PKIA: variants seen among roughly 807,000 people sequenced by gnomAD.
PKIA encodes the protein PKI-alpha.
PKIA carries 4 observed loss-of-function variants against 7.6 expected under a neutral mutation model. The ratio of observed to expected loss-of-function variants is 0.52; its 90% CI spans 0.26 to 1.20. PKIA has a LOEUF of 1.20. Among genes scored for constraint, PKIA ranks in the 50% most tolerant of loss-of-function variants. The pLI is 0.13. For synonymous variants in PKIA, 21 were observed against 30.7 expected, an observed-to-expected ratio of 0.68 and a Z score of 1.04; for missense variants, 73 against 86.2, an observed-to-expected ratio of 0.85 and a Z score of 0.61.
intron 1 of PKIA, chr8:78,533,919 TGCA>T (rs1282466520): frequency 7.2e-5 from 11 of 152,072 alleles, no homozygotes; most frequent in Admixed American, 7.2e-4. Flanking sequence ...CAGTTTAATA[TGCA>T]TGTTTGGCAT....
At chr8:78,523,627 C>A (rs899859703) in intron 1 of PKIA, among the ~76,000 whole-genome samples, 1 of 151,732 alleles carries the variant, frequency 6.6e-6, no homozygotes, top group South Asian at 2.1e-4. Flanking sequence ...TACACAGCTT[C>A]TCTGATAATT....
At chr8:78,541,807 CTTTTT>C (rs780479329) in intron 1 of PKIA, among the ~76,000 whole-genome samples, 2 of 134,234 alleles carry the variant, frequency 1.5e-5, no homozygotes, top group Admixed American at 7.5e-5. Context: ...TTGGATTTCT[CTTTTT>C]TTTTTTTTTT....
At chr8:78,550,342 TTCC>T (rs1170668551) in intron 1 of PKIA, among the ~76,000 whole-genome samples, 2 of 152,132 alleles carry the variant, frequency 1.3e-5, no homozygotes, top group Non-Finnish European at 2.9e-5. Context: ...AAAAAGATGG[TTCC>T]CAGGTCTATC....
chr8:78,547,338 C>A (rs1264584969), intron 1 of PKIA, among the ~76,000 whole-genome samples: 3 of 151,932 alleles, frequency 2.0e-5, no homozygotes, highest in African/African-American at 7.3e-5. Flanking sequence ...CTCTTGACCT[C>A]GTGATCCACC....
chr8:78,533,638 T>C (rs572862322), intron 1 of PKIA, among the ~76,000 whole-genome samples: 5 of 152,048 alleles, frequency 3.3e-5, no homozygotes, highest in Non-Finnish European at 7.4e-5. Flanking sequence ...GGAGGAGTGC[T>C]TGAAGCCAGT....
intron 2 of PKIA, among the ~76,000 whole-genome samples, chr8:78,588,456 G>C (rs1808012103): frequency 6.6e-6 from 1 of 151,918 alleles, no homozygotes; most frequent in Admixed American, 6.6e-5. Flanking sequence ...CTCCAGCCTG[G>C]GTAACAAGAG....
chr8:78,561,453 G>GT (rs896716305), intron 1 of PKIA, among the ~76,000 whole-genome samples: 1 of 151,340 alleles, frequency 6.6e-6, no homozygotes, highest in Non-Finnish European at 1.5e-5. Flanking sequence ...GCTAGGCCAA[G>GT]TTTTTTTGTT....
At chr8:78,516,834 C>T (rs1020877212) in intron 1 of PKIA, among the ~76,000 whole-genome samples, 1 of 152,124 alleles carries the variant, frequency 6.6e-6, no homozygotes, top group Non-Finnish European at 1.5e-5. Context: ...GCAGTAGGTC[C>T]CTGGCAGCAG....
At chr8:78,542,940 T>C (rs1806732748) in intron 1 of PKIA, among the ~76,000 whole-genome samples, 1 of 152,154 alleles carries the variant, frequency 6.6e-6, no homozygotes. Flanking sequence ...ATGCCCAAGA[T>C]TTCAGCAGCG....
intron 1 of PKIA, among the ~76,000 whole-genome samples, chr8:78,517,155 T>A (rs1446448897): frequency 9.9e-5 from 15 of 152,230 alleles, no homozygotes; most frequent in Admixed American, 9.8e-4. Context: ...CTGGGTTCCA[T>A]GACTGATTTT....
At chr8:78,521,879 C>T (rs1398330281) in intron 1 of PKIA, among the ~76,000 whole-genome samples, 1 of 151,840 alleles carries the variant, frequency 6.6e-6, no homozygotes, top group East Asian at 1.9e-4. Flanking sequence ...TTCCTCAGCC[C>T]CTGGTAAACA....
chr8:78,519,869 C>G (rs190286838), intron 1 of PKIA, among the ~76,000 whole-genome samples: 1 of 152,128 alleles, frequency 6.6e-6, no homozygotes, highest in Admixed American at 6.5e-5. Flanking sequence ...TCTTACATGT[C>G]GAAACCTTGT....
chr8:78,552,760 C>T (rs1373606494), intron 1 of PKIA, among the ~76,000 whole-genome samples: 1 of 151,878 alleles, frequency 6.6e-6, no homozygotes, highest in Non-Finnish European at 1.5e-5. Context: ...TATAGCTAGA[C>T]CTAAGTGTCT....
intron 2 of PKIA, among the ~76,000 whole-genome samples, chr8:78,592,027 G>C (rs528260203): frequency 8.6e-5 from 13 of 152,034 alleles, no homozygotes; most frequent in African/African-American, 3.1e-4. Context: ...CAAAGCAAAA[G>C]TACAAGTCGT....
At chr8:78,518,336 T>C (rs1269602136) in intron 1 of PKIA, among the ~76,000 whole-genome samples, 1 of 152,200 alleles carries the variant, frequency 6.6e-6, no homozygotes, top group Non-Finnish European at 1.5e-5. Flanking sequence ...TTCTTGAGAT[T>C]CTAGAATTTT....
At chr8:78,561,219 A>G (rs1055266532) in intron 1 of PKIA, among the ~76,000 whole-genome samples, 4 of 152,186 alleles carry the variant, frequency 2.6e-5, no homozygotes, top group African/African-American at 9.6e-5. Context: ...GGCTAAAGAT[A>G]AATTAAAATG....
At chr8:78,539,496 A>G (rs552416632) in intron 1 of PKIA, among the ~76,000 whole-genome samples, 5 of 152,236 alleles carry the variant, frequency 3.3e-5, no homozygotes, top group African/African-American at 1.2e-4. Context: ...TAGAACATCT[A>G]ACATCAATAC....
intron 1 of PKIA, among the ~76,000 whole-genome samples, chr8:78,517,511 A>C (rs1468304102): frequency 2.6e-5 from 4 of 152,224 alleles, no homozygotes; most frequent in South Asian, 4.1e-4. Flanking sequence ...AATCCTTTCC[A>C]AAAGGCAGAG....
intron 1 of PKIA, among the ~76,000 whole-genome samples, chr8:78,556,192 C>T (rs1308805917): frequency 6.6e-6 from 1 of 151,972 alleles, no homozygotes; most frequent in Non-Finnish European, 1.5e-5. Flanking sequence ...ATCAGGCAGC[C>T]AAACATGACT....
Sources: allele counts gnomAD v4.1 joint callset (sites outside exome capture counted in the v4.1 genomes callset), GRCh38; gene constraint gnomAD v4.1.1; transcripts MANE v1.5; gene names NCBI Gene and HGNC (gene_info 2026-07-23, HGNC 2026-07-21).